CAND1: variants seen among roughly 807,000 people sequenced by gnomAD.
The protein encoded by CAND1 is cullin associated and neddylation dissociated 1.
Under a neutral mutation model 108.5 loss-of-function variants are expected in CAND1, and 7 were observed. The observed-to-expected ratio is 0.06, with a 90% CI of 0.04 to 0.12. The LOEUF is 0.12. Among genes scored for constraint, CAND1 ranks in the 10% least tolerant of loss-of-function variants. The pLI is 1.00. For synonymous variants in CAND1, 534 were observed against 512.0 expected (o/e 1.04, Z -0.58); for missense variants, 941 against 1,448.7 (o/e 0.65, Z 5.69).
chr12:67,276,338 A>G (rs560685570), intron 1 of CAND1, among the ~76,000 whole-genome samples: 1 of 152,286 alleles, frequency 6.6e-6, no homozygotes, highest in Admixed American at 6.5e-5. Flanking sequence ...TATTTTTTTA[A>G]ATCACTTTTT....
chr12:67,277,974 C>G (rs1388667258), intron 1 of CAND1, among the ~76,000 whole-genome samples: 19 of 152,138 alleles, frequency 1.2e-4, no homozygotes, highest in Admixed American at 1.1e-3. Flanking sequence ...AAATGTAAAT[C>G]TGATCATTGC....
At chr12:67,291,491 A>G (rs1160150443) in intron 2 of CAND1, among the ~76,000 whole-genome samples, 1 of 152,190 alleles carries the variant, frequency 6.6e-6, no homozygotes, top group Non-Finnish European at 1.5e-5. Context: ...TTGTGACCAG[A>G]GTGTTTCATA....
chr12:67,297,964 C>A, intron 6 of CAND1, 111 bp downstream of exon 6: 1 of 548,462 alleles, frequency 1.8e-6, no homozygotes, highest in Non-Finnish European at 3.2e-6. Flanking sequence ...TCAGATATAA[C>A]AGACAATACA....
chr12:67,293,196 G>A (rs1592613709), intron 3 of CAND1: 1 of 169,428 alleles, frequency 5.9e-6, no homozygotes, highest in Non-Finnish European at 1.2e-5. Context: ...AGACATAGCT[G>A]TGGAATAGTT....
chr12:67,297,891 T>C, intron 6 of CAND1, 38 bp downstream of exon 6: 1 of 1,289,144 alleles, frequency 7.8e-7, no homozygotes, highest in South Asian at 1.3e-5. Flanking sequence ...CAAAAAGTTT[T>C]TCCTTAAGAG....
At chr12:67,279,053 C>T (rs770208012) in intron 1 of CAND1, among the ~76,000 whole-genome samples, 5 of 151,984 alleles carry the variant, frequency 3.3e-5, no homozygotes, top group Admixed American at 6.6e-5. Flanking sequence ...GAGTATATAA[C>T]GCCATTCCCA....
rs2044978865 is a variant in CAND1 at position 67,313,734 on chromosome 12, C to G, written c.*904C>G. On this transcript the variant is annotated 3_prime_UTR_variant, in exon 15 of 15. Coordinates refer to ENST00000545606, the MANE Select transcript of CAND1 (RefSeq NM_018448.5). ...ACCCATTTGTGTGTGTGTGATTCCA[C>G]TTAGAAATTCTTAAAACCAGATTTT... The G allele has an allele frequency of 6.6e-6, 1 of 152,522 alleles. No homozygotes were observed. Among genetic ancestry groups the G allele is most frequent in the South Asian group, 2.1e-4 (1 of 4,832 alleles). The allele number at this position is 152,522 out of a possible 1,614,324, so 9.4% of individuals were successfully genotyped here.
At position 67,305,725 on chromosome 12, in the gene CAND1, C is replaced by A; in HGVS notation, c.2057C>A (p.Thr686Lys). The A allele has an allele frequency of 6.2e-7, 1 of 1,614,166 alleles. No homozygotes were observed. The highest frequency in any genetic ancestry group is 2.2e-5 in the East Asian group (1 of 44,884). ...ATAAAAAACTATAGTGACAGCTTGA[C>A]AGCTGCCATGATTGATGCAGTTCTA... ...ILIKNYSDSLTAAMIDAVLDE... is the reference protein window; with the variant it reads ...ILIKNYSDSLKAAMIDAVLDE... Residue 686 changes from threonine (T) to lysine (K), a missense_variant, in exon 10 of 15, where the codon ACA (threonine) becomes AAA (lysine). Coordinates refer to ENST00000545606, the MANE Select transcript of CAND1 (RefSeq NM_018448.5). This position sits in a 1 kb window ranked among gnomAD's most constrained non-coding sequence, Gnocchi z 4.4.
At chr12:67,286,275 G>T (rs1047525910) in intron 2 of CAND1, among the ~76,000 whole-genome samples, 8 of 152,180 alleles carry the variant, frequency 5.3e-5, no homozygotes, top group Admixed American at 5.2e-4. Context: ...TTCCCAAAGT[G>T]CTGGGATTAC....
At position 67,297,677 on chromosome 12, in the gene CAND1, A is replaced by T. The variant is rs770156053; in HGVS notation, c.748+14A>T. The T allele has an allele frequency of 3.1e-6, 5 of 1,601,170 alleles. No individual in the cohort carries two copies. Among genetic ancestry groups the T allele is most frequent in the Non-Finnish European group, 3.4e-6 (4 of 1,174,922 alleles). ...GTCATAGAATAGGTAAGAAATCTTTAAAAGTTTTACAGTTTTCTTTAATTA... is the reference window on the plus strand; with the variant it reads ...GTCATAGAATAGGTAAGAAATCTTTTAAAGTTTTACAGTTTTCTTTAATTA... On this transcript the variant is annotated intron_variant, in intron 5 of 14. Transcript: ENST00000545606.
At chr12:67,288,613 C>T (rs1483791602) in intron 2 of CAND1, among the ~76,000 whole-genome samples, 1 of 152,156 alleles carries the variant, frequency 6.6e-6, no homozygotes, top group African/African-American at 2.4e-5. Context: ...TTAATCAGGA[C>T]TATTGTGATA....
At position 67,302,511 on chromosome 12, in the gene CAND1, G is replaced by A. The variant is rs755694974; in HGVS notation, c.1189G>A (p.Ala397Thr). 20 of 1,613,918 alleles carry A rather than the reference G, an allele frequency of 1.2e-5. No individual in the cohort carries two copies. The highest frequency in any genetic ancestry group is 1.5e-5 in the Non-Finnish European group (18 of 1,179,936). The change falls in exon 8 of 15, where the codon GCA becomes ACA. Residue 397 changes from alanine to threonine, a missense_variant. Around this residue, in one of 9 missense-constraint regions of CAND1, gnomAD observed 697 missense variants for 942.0 expected, o/e 0.74. Transcript: ENST00000545606. ...EENVKADVFH[A>T]YLSLLKQTRP... ...GAATGTAAAGGCAGATGTTTTTCAC[G>A]CATACCTTTCTCTTTTGAAGCAAAC...
intron 2 of CAND1, among the ~76,000 whole-genome samples, chr12:67,282,812 C>G (rs1325720917): frequency 2.0e-5 from 3 of 152,068 alleles, no homozygotes; most frequent in Admixed American, 6.6e-5. Context: ...ACATATGATA[C>G]GATAGTTACA....
chr12:67,292,577 G>C lies in CAND1; in HGVS notation c.213-45G>C, dbSNP rs73320740. 3.0e-3 allele frequency: 4,293 copies of C among 1,453,086 alleles called. 93 individuals carry two copies. The African/African-American group carries it at 0.054, about 18-fold the overall frequency. 90.0% of individuals were successfully genotyped at this position (1,453,086 alleles called of 1,614,324 possible). ...TCTACTTATGTATTTTCCTGTTTTT[G>C]TGCTTATCTAGCTTTTTTTAAACAA... On this transcript the variant is annotated intron_variant, in intron 2 of 14. Coordinates refer to ENST00000545606, the MANE Select transcript of CAND1 (RefSeq NM_018448.5).
chr12:67,293,496 A>G (rs1253734625), intron 3 of CAND1, among the ~76,000 whole-genome samples: 4 of 152,064 alleles, frequency 2.6e-5, no homozygotes, highest in African/African-American at 9.7e-5. Flanking sequence ...GCTCACGCCT[A>G]TAATCCCAGC....
intron 1 of CAND1, among the ~76,000 whole-genome samples, chr12:67,278,617 C>G (rs1014968642): frequency 6.6e-6 from 1 of 152,164 alleles, no homozygotes; most frequent in African/African-American, 2.4e-5. Flanking sequence ...GTCCCAGGTT[C>G]AAGCGATTCT....
At chr12:67,298,440 A>G (rs888597621) in intron 6 of CAND1, among the ~76,000 whole-genome samples, 1 of 152,162 alleles carries the variant, frequency 6.6e-6, no homozygotes, top group Non-Finnish European at 1.5e-5. Flanking sequence ...GTGGCTTTTA[A>G]TCATACCATA....
At position 67,269,376 on chromosome 12, in the gene CAND1, A is replaced by G. The variant is rs1393217180; in HGVS notation, c.-342A>G. On this transcript the variant is annotated 5_prime_UTR_variant, in exon 1 of 15. Coordinates refer to ENST00000545606, the MANE Select transcript of CAND1 (RefSeq NM_018448.5). ...CTTTGGCCTTTTGCCCTAGGGAGCG[A>G]GTGCGGAGCGAGTGGGAGCGAGACG... 9.7e-6 allele frequency: 3 copies of G among 309,338 alleles called. No homozygotes were observed. Among genetic ancestry groups the G allele is most frequent in the Non-Finnish European group, 1.2e-5 (2 of 167,524 alleles). 19.2% of individuals were successfully genotyped at this position (309,338 alleles called of 1,614,324 possible). A position where few individuals can be genotyped will look rare whatever the true frequency, so the allele number is the denominator to read the frequency against.
Position 67,297,266 on chromosome 12 carries a change from A to C in CAND1, c.492-141A>C, listed in dbSNP as rs186043736. 1.1e-4 allele frequency: 89 copies of C among 802,820 alleles called. No homozygotes were observed. In the East Asian group the frequency reaches 1.8e-3, roughly 17 times the overall value. 49.7% of individuals were successfully genotyped at this position (802,820 alleles called of 1,614,324 possible). A position where few individuals can be genotyped will look rare whatever the true frequency, so the allele number is the denominator to read the frequency against. Reference sequence around the variant, plus strand: ...GCATTGGTAGATAAAGTGATAATTTAATTTTTCTTTCACTATGAATTAGTC... The same window carrying C: ...GCATTGGTAGATAAAGTGATAATTTCATTTTTCTTTCACTATGAATTAGTC... On this transcript the variant is annotated intron_variant, in intron 4 of 14. Coordinates refer to ENST00000545606, the MANE Select transcript of CAND1 (RefSeq NM_018448.5).
Sources: allele counts gnomAD v4.1 joint callset (sites outside exome capture counted in the v4.1 genomes callset), GRCh38; gene constraint gnomAD v4.1.1; regional missense constraint gnomAD v4.1.1; non-coding constraint Gnocchi (gnomAD v3.1); transcripts MANE v1.5; gene names NCBI Gene and HGNC (gene_info 2026-07-23, HGNC 2026-07-21).